Variants in CYRIA observed in about 807,000 individuals in gnomAD.
CYRIA encodes CYFIP-related Rac1 interactor A.
CYRIA carries 15 observed loss-of-function variants against 43.9 expected under a neutral mutation model. The observed-to-expected ratio is 0.34, with a 90% CI of 0.23 to 0.53. CYRIA has a LOEUF of 0.53. CYRIA is among the 20% of genes least tolerant of loss of function. The pLI, the probability that CYRIA is intolerant of heterozygous loss-of-function variation, is 0.94. For missense variants in CYRIA, 236 were observed against 394.2 expected (o/e 0.60, Z 3.40); for synonymous variants, 117 against 136.0 (o/e 0.86, Z 0.97).
At chr2:16,630,121 T>C (rs1669285330) in intron 1 of CYRIA, among the ~76,000 whole-genome samples, 1 of 152,214 alleles carries the variant, frequency 6.6e-6, no homozygotes, top group African/African-American at 2.4e-5. Context: ...AGACATCACC[T>C]GGATGTTCTA....
intron 1 of CYRIA, among the ~76,000 whole-genome samples, chr2:16,654,751 ATAGT>A (rs771312934): frequency 6.6e-6 from 1 of 152,356 alleles, no homozygotes; most frequent in East Asian, 1.9e-4. Context: ...TACTATCCAA[ATAGT>A]TAGAATTAAT....
chr2:16,606,926 T>A (rs1332059951), intron 2 of CYRIA, among the ~76,000 whole-genome samples: 1 of 152,016 alleles, frequency 6.6e-6, no homozygotes, highest in African/African-American at 2.4e-5. Context: ...TTTTGGGAAG[T>A]GCAGGGGGAT....
intron 1 of CYRIA, among the ~76,000 whole-genome samples, chr2:16,642,288 A>G (rs1669698741): frequency 6.6e-6 from 1 of 152,044 alleles, no homozygotes; most frequent in East Asian, 1.9e-4. Flanking sequence ...TTTCCTCCCA[A>G]TCCTGCTCTA....
At chr2:16,557,024 G>A (rs1666548095) in intron 10 of CYRIA, among the ~76,000 whole-genome samples, 1 of 152,068 alleles carries the variant, frequency 6.6e-6, no homozygotes, top group Non-Finnish European at 1.5e-5. Context: ...AATGGGGTCT[G>A]GAATTCTGGA....
intron 1 of CYRIA, among the ~76,000 whole-genome samples, chr2:16,627,700 A>C (rs1669214184): frequency 6.6e-6 from 1 of 152,238 alleles, no homozygotes; most frequent in Middle Eastern, 3.2e-3. Context: ...AACAGATGAC[A>C]CCTTCCTTCA....
At chr2:16,556,274 A>G (rs1453000970) in intron 10 of CYRIA, among the ~76,000 whole-genome samples, 1 of 152,110 alleles carries the variant, frequency 6.6e-6, no homozygotes, top group Non-Finnish European at 1.5e-5. Flanking sequence ...AGGTGCATCA[A>G]AAAAGAATGT....
At chr2:16,560,735 G>A (rs1266610687) in intron 9 of CYRIA, 1 of 519,058 alleles carries the variant, frequency 1.9e-6, no homozygotes, top group Admixed American at 3.2e-5. Context: ...TCTGTGATCT[G>A]AGCCTTGGTT....
chr2:16,558,984 C>T (rs1666628647), intron 10 of CYRIA, among the ~76,000 whole-genome samples: 2 of 152,136 alleles, frequency 1.3e-5, no homozygotes, highest in South Asian at 4.2e-4. Context: ...AGGACTCACA[C>T]ATATCACGTA....
intron 1 of CYRIA, among the ~76,000 whole-genome samples, chr2:16,651,098 C>T (rs527478000): frequency 6.6e-6 from 1 of 152,216 alleles, no homozygotes; most frequent in South Asian, 2.1e-4. Context: ...TACCAGAAAG[C>T]CCAATTTTCA....
At position 16,662,760 on chromosome 2, in the gene CYRIA, C is replaced by T. The variant is rs568114663; in HGVS notation, c.-167+3020G>A. On this transcript the variant is annotated intron_variant, in intron 1 of 11. Transcript: ENST00000381323. ...GGACAGTGGAAGGACAAATGTATTTCAGCCCCAAAGCACAAATCACCTGAT... is the reference window on the plus strand; with the variant it reads ...GGACAGTGGAAGGACAAATGTATTTTAGCCCCAAAGCACAAATCACCTGAT... Among the ~76,000 whole-genome samples the T allele has an allele frequency of 7.9e-5, 12 of 152,324 alleles. No individual in the cohort carries two copies. In the South Asian group the frequency reaches 2.5e-3, roughly 32 times the overall value.
chr2:16,589,457 G>T (rs1667846491), intron 2 of CYRIA, among the ~76,000 whole-genome samples: 1 of 151,258 alleles, frequency 6.6e-6, no homozygotes, highest in Non-Finnish European at 1.5e-5. Flanking sequence ...TCACTAACAT[G>T]AAATCAGAAG....
At chr2:16,556,319 G>C in intron 10 of CYRIA, among the ~76,000 whole-genome samples, 1 of 152,134 alleles carries the variant, frequency 6.6e-6, no homozygotes, top group East Asian at 1.9e-4. Context: ...ATGCATACCG[G>C]ATTGGGAGAA....
intron 3 of CYRIA, among the ~76,000 whole-genome samples, chr2:16,575,282 G>T (rs751346433): frequency 1.3e-5 from 2 of 152,190 alleles, no homozygotes; most frequent in East Asian, 1.9e-4. Context: ...TCCCAGATGA[G>T]ACTTTGGTCT....
chr2:16,657,248 T>C (rs1293661116), intron 1 of CYRIA, among the ~76,000 whole-genome samples: 2 of 152,160 alleles, frequency 1.3e-5, no homozygotes, highest in African/African-American at 4.8e-5. Context: ...CTGAGGCTTT[T>C]CACTTCCCCA....
chr2:16,657,044 A>G (rs1351036664), intron 1 of CYRIA, among the ~76,000 whole-genome samples: 1 of 152,242 alleles, frequency 6.6e-6, no homozygotes, highest in African/African-American at 2.4e-5. Flanking sequence ...CCAGACAGAC[A>G]GCTCAGTGCT....
intron 3 of CYRIA, among the ~76,000 whole-genome samples, chr2:16,580,607 C>A (rs1258695143): frequency 6.6e-6 from 1 of 152,094 alleles, no homozygotes; most frequent in Non-Finnish European, 1.5e-5. Context: ...TAATCAATAT[C>A]CCAGTAGAAT....
rs1322791056 is a variant in CYRIA at position 16,588,085 on chromosome 2, A to C, written c.35T>G (p.Ile12Ser). 6.2e-7 allele frequency: 1 copy of C among 1,608,256 alleles called. No individual in the cohort carries two copies. Among genetic ancestry groups the C allele is most frequent in the Non-Finnish European group, 8.5e-7 (1 of 1,177,288 alleles). ...GNLLKVLTRE[I>S]ENYPHFFLDF... The stretch of plus-strand genomic sequence containing the variant: ...CAGGAAAAAGTGTGGATAGTTTTCA[A>C]TTTCCCTGGTAAGGACTTTGAGCAG... The change falls in exon 3 of 12, where the codon ATT (isoleucine) becomes AGT (serine). Residue 12 changes from isoleucine (I) to serine (S), a missense_variant. Around this residue, in one of 3 missense-constraint regions of CYRIA, gnomAD observed 193 missense variants for 303.9 expected, o/e 0.64. Coordinates refer to ENST00000381323, the MANE Select transcript of CYRIA (RefSeq NM_030797.4).
chr2:16,619,195 A>T (rs932136452), intron 2 of CYRIA, among the ~76,000 whole-genome samples: 1 of 152,190 alleles, frequency 6.6e-6, no homozygotes, highest in Non-Finnish European at 1.5e-5. Flanking sequence ...CCATCCATTC[A>T]TCTTGCAGCC....
At chr2:16,577,040 T>C (rs955179812) in intron 3 of CYRIA, among the ~76,000 whole-genome samples, 8 of 152,128 alleles carry the variant, frequency 5.3e-5, no homozygotes, top group African/African-American at 9.7e-5. Context: ...TGCTAATCAA[T>C]GGGTATAAAG....
Sources: gnomAD v4.1 joint callset for allele counts (sites outside exome capture counted in the v4.1 genomes callset) on GRCh38, gnomAD v4.1.1 for gene constraint, gnomAD v4.1.1 regional missense constraint, MANE v1.5 for transcripts, NCBI Gene and HGNC (gene_info 2026-07-23, HGNC 2026-07-21) for gene names.